The following NRG3 variants were observed in gnomAD, a reference collection of about 807,000 sequenced individuals.
The protein encoded by NRG3 is neuregulin 3.
NRG3 carries 31 observed loss-of-function variants against 66.9 expected under a neutral mutation model. That is an observed-to-expected ratio of 0.46 (90% CI 0.35 to 0.63). The LOEUF is 0.63. Ranked by LOEUF, NRG3 falls within the 20% of genes least tolerant of loss-of-function variation. The pLI, the probability that NRG3 is intolerant of heterozygous loss-of-function variation, is 0.00. For missense variants in NRG3, 910 were observed against 878.9 expected, an observed-to-expected ratio of 1.04 and a Z score of -0.45; for synonymous variants, 393 against 359.4, an observed-to-expected ratio of 1.09 and a Z score of -1.06.
chr10:82,175,634 A>C (rs779404868), intron 1 of NRG3, among the ~76,000 whole-genome samples: 3 of 152,160 alleles, frequency 2.0e-5, no homozygotes, highest in Non-Finnish European at 4.4e-5. Context: ...ATGTTCTACA[A>C]ACTTGTAAGA....
At chr10:82,196,384 G>A (rs1355196861) in intron 1 of NRG3, among the ~76,000 whole-genome samples, 1 of 152,116 alleles carries the variant, frequency 6.6e-6, no homozygotes, top group Non-Finnish European at 1.5e-5. Context: ...AAATTTCCTT[G>A]TAAGATCTCT....
intron 2 of NRG3, among the ~76,000 whole-genome samples, chr10:82,443,254 G>A (rs973820827): frequency 2.0e-5 from 3 of 151,996 alleles, no homozygotes; most frequent in Non-Finnish European, 2.9e-5. Flanking sequence ...GACACATCAC[G>A]ATTACAAATG....
intron 3 of NRG3, among the ~76,000 whole-genome samples, chr10:82,848,643 TGG>T (rs943431946): frequency 3.3e-5 from 5 of 151,914 alleles, no homozygotes; most frequent in African/African-American, 1.2e-4. Context: ...TTGGGAAGGG[TGG>T]TAGGCAGAAT....
intron 1 of NRG3, among the ~76,000 whole-genome samples, chr10:81,888,672 G>A (rs1842796460): frequency 6.6e-6 from 1 of 152,084 alleles, no homozygotes; most frequent in Non-Finnish European, 1.5e-5. Context: ...CCACCTATAT[G>A]GGAGCCAGTG....
chr10:82,308,750 G>A (rs541921429), intron 1 of NRG3, among the ~76,000 whole-genome samples: 12 of 152,172 alleles, frequency 7.9e-5, no homozygotes, highest in African/African-American at 2.6e-4. Context: ...TCTGGCTGCA[G>A]GGCTTCTCAC....
chr10:82,925,473 A>C lies in NRG3; in HGVS notation c.1055-25996A>C, dbSNP rs549457583. ...GCACCTATAAAGAGCTTTGTATTTT[A>C]AGTGCTCCATAAATATTCATGTTGT... On this transcript the variant is annotated intron_variant, in intron 4 of 8. Transcript: ENST00000372141. 4.6e-5 allele frequency among the ~76,000 whole-genome samples: 7 copies of C among 152,322 alleles called. No homozygotes were observed. In the East Asian group the frequency reaches 1.4e-3, roughly 30 times the overall value.
In NRG3 at chr10:81,936,341, C is replaced by T. The variant is rs562930556; in HGVS notation, c.823+60178C>T. Among the ~76,000 whole-genome samples, 4 of 152,158 alleles carry T rather than the reference C, an allele frequency of 2.6e-5. No individual in the cohort carries two copies. The South Asian group carries it at 8.3e-4, about 32-fold the overall frequency. On this transcript the variant is annotated intron_variant, in intron 1 of 8. Coordinates refer to ENST00000372141, the MANE Select transcript of NRG3 (RefSeq NM_001010848.4). The stretch of plus-strand genomic sequence containing the variant: ...ACCAAACTGTGATTGGAGTTCTATT[C>T]CCAACAGTTGCATAAGGGAAACTGA...
At chr10:82,859,440 G>A (rs553730777) in intron 3 of NRG3, among the ~76,000 whole-genome samples, 3 of 152,276 alleles carry the variant, frequency 2.0e-5, no homozygotes, top group Admixed American at 2.0e-4. Context: ...ATTGCAGTGA[G>A]TTCCTGTTCA....
chr10:82,933,462 C>G (rs1847776127), intron 4 of NRG3, among the ~76,000 whole-genome samples: 1 of 152,098 alleles, frequency 6.6e-6, no homozygotes, highest in African/African-American at 2.4e-5. Context: ...CTATCCTACC[C>G]CATTATATTT....
chr10:82,787,823 G>T (rs527291114), intron 3 of NRG3, among the ~76,000 whole-genome samples: 5 of 152,242 alleles, frequency 3.3e-5, no homozygotes, highest in African/African-American at 1.2e-4. Flanking sequence ...ATCACTGGTT[G>T]TTTTGAATTC....
chr10:82,102,643 TAC>T (rs1243375049), intron 1 of NRG3, among the ~76,000 whole-genome samples: 4 of 151,900 alleles, frequency 2.6e-5, no homozygotes, highest in African/African-American at 7.2e-5. Flanking sequence ...CAAATAAATA[TAC>T]ACACACAGTA....
At chr10:82,570,326 C>A (rs540526750) in intron 2 of NRG3, among the ~76,000 whole-genome samples, 94 of 151,754 alleles carry the variant, frequency 6.2e-4, no homozygotes, top group Non-Finnish European at 1.2e-3. Context: ...ACATAATGTT[C>A]TCTCTACAAT....
At chr10:81,890,248 C>G (rs75264664) in intron 1 of NRG3, among the ~76,000 whole-genome samples, 4,652 of 152,158 alleles carry the variant, frequency 0.031, 151 homozygotes, top group African/African-American at 0.076. Context: ...TTAAGCCTTT[C>G]GGCTACTTGG....
intron 2 of NRG3, among the ~76,000 whole-genome samples, chr10:82,536,601 C>T (rs535835313): frequency 5.3e-5 from 8 of 152,236 alleles, no homozygotes; most frequent in African/African-American, 1.4e-4. Context: ...GACATGAAGA[C>T]CCATTTTCTT....
chr10:82,548,523 TCACACACACACA>T lies in NRG3; in HGVS notation c.953+189681_953+189692del, dbSNP rs59459683. ...AAAATACACAAATACATTCTGTCTC[TCACACACACACA>T]CACACACACACACACACACACACAC... On this transcript the variant is annotated intron_variant, in intron 2 of 8. Coordinates refer to ENST00000372141, the MANE Select transcript of NRG3 (RefSeq NM_001010848.4). Among the ~76,000 whole-genome samples, 597 of 139,562 alleles carry T rather than the reference TCACACACACACA, an allele frequency of 4.3e-3. 4 individuals are homozygous for T. The highest frequency in any genetic ancestry group is 0.015 in the African/African-American group (572 of 38,916). 91.6% of individuals were successfully genotyped at this position (139,562 alleles called of 152,430 possible). A position where few individuals can be genotyped will look rare whatever the true frequency, so the allele number is the denominator to read the frequency against.
intron 1 of NRG3, among the ~76,000 whole-genome samples, chr10:82,054,015 G>A (rs540418675): frequency 2.0e-5 from 3 of 152,180 alleles, no homozygotes; most frequent in African/African-American, 2.4e-5. Flanking sequence ...GTAAGCAAAG[G>A]TTAGAGAATG....
intron 1 of NRG3, chr10:82,166,656 G>GTA (rs2072082109): frequency 2.3e-6 from 1 of 433,444 alleles, no homozygotes; most frequent in Non-Finnish European, 4.1e-6. Context: ...ACATATATAT[G>GTA]TATATATAGA....
intron 3 of NRG3, among the ~76,000 whole-genome samples, chr10:82,808,471 A>T (rs2061370841): frequency 1.3e-5 from 2 of 152,182 alleles, no homozygotes; most frequent in Non-Finnish European, 2.9e-5. Flanking sequence ...GTAATTAAAC[A>T]CACACATTTT....
intron 2 of NRG3, among the ~76,000 whole-genome samples, chr10:82,406,216 A>C (rs1037468341): frequency 1.4e-4 from 21 of 152,162 alleles, no homozygotes; most frequent in Non-Finnish European, 4.4e-5. Flanking sequence ...AAGTATTAGG[A>C]GACTTGGGAT....
Sources: allele counts gnomAD v4.1 joint callset (sites outside exome capture counted in the v4.1 genomes callset), GRCh38; gene constraint gnomAD v4.1.1; transcripts MANE v1.5; gene names NCBI Gene and HGNC (gene_info 2026-07-23, HGNC 2026-07-21).